Variants in VEGFA observed in about 807,000 individuals in gnomAD.
VEGFA encodes the protein vascular endothelial growth factor A, long form.
In VEGFA, 20 loss-of-function variants were observed where a neutral mutation model predicts 49.7. The observed-to-expected ratio is 0.40, with a 90% CI of 0.28 to 0.58. The LOEUF (loss-of-function observed/expected upper bound fraction) is 0.58. Among genes scored for constraint, VEGFA ranks in the 20% least tolerant of loss-of-function variants. VEGFA has a pLI of 0.40. For synonymous variants in VEGFA, 219 were observed against 223.4 expected, an observed-to-expected ratio of 0.98 and a Z score of 0.18; for missense variants, 505 against 553.5, an observed-to-expected ratio of 0.91 and a Z score of 0.88.
chr6:43,771,271 C>T lies in VEGFA; in HGVS notation c.565C>T (p.His189Tyr), dbSNP rs2127997328. The change falls in exon 1 of 8, where the codon CAT becomes TAT. Residue 189 changes from histidine (H) to tyrosine (Y), a missense_variant. This residue lies in a region of VEGFA where 340 missense variants were observed against 321.8 expected (regional missense o/e 1.06). Coordinates refer to ENST00000672860, the MANE Select transcript of VEGFA (RefSeq NM_003376.6). ...CATGAACTTTCTGCTGTCTTGGGTG[C>T]ATTGGAGCCTTGCCTTGCTGCTCTA... 6.2e-7 allele frequency: 1 copy of T among 1,607,442 alleles called. No homozygotes were observed.
rs1348253363 is a variant in VEGFA at position 43,771,122 on chromosome 6, T to C, written c.416T>C (p.Leu139Pro). 3.4e-6 allele frequency: 5 copies of C among 1,458,656 alleles called. No homozygotes were observed. The highest frequency in any genetic ancestry group is 4.5e-6 in the Non-Finnish European group (5 of 1,108,466). 90.4% of individuals were successfully genotyped at this position (1,458,656 alleles called of 1,614,324 possible). A position where few individuals can be genotyped will look rare whatever the true frequency, so the allele number is the denominator to read the frequency against. The stretch of plus-strand genomic sequence containing the variant: ...CCAGCCGCGCGCGCTCCCCAGGCCC[T>C]GGCCCGGGCCTCGGGCCGGGGAGGA... Residue 139 changes from leucine (L) to proline (P), a missense_variant, in exon 1 of 8, where the codon CTG becomes CCG. Physicochemically the swap from Leu to Pro is moderately conservative, Grantham distance 98. Coordinates refer to ENST00000672860, the MANE Select transcript of VEGFA (RefSeq NM_003376.6).
intron 1 of VEGFA, 26 bp downstream of exon 1, chr6:43,771,338 C>A (rs775515861): frequency 6.3e-7 from 1 of 1,587,810 alleles, no homozygotes; most frequent in South Asian, 1.1e-5. Flanking sequence ...CTGCTGGCGC[C>A]GCGGGCCGCT....
Position 43,777,440 on chromosome 6 carries a change from G to A in VEGFA, c.659-29G>A, listed in dbSNP as rs951984458. 5 of 1,612,836 alleles carry A rather than the reference G, an allele frequency of 3.1e-6. No homozygotes were observed. Among genetic ancestry groups the A allele is most frequent in the East Asian group, 2.2e-5 (1 of 44,882 alleles). Reference sequence around the variant, plus strand: ...CTAGCCATCTTTTGTGTCGCCCACCGGGCTCATGTGTCATCGCCTCTCATG... The same window carrying A: ...CTAGCCATCTTTTGTGTCGCCCACCAGGCTCATGTGTCATCGCCTCTCATG... On this transcript the variant is annotated intron_variant, in intron 2 of 7. Transcript: ENST00000672860. The surrounding 1 kb of genome is among the most constrained non-coding windows in gnomAD (Gnocchi z 4.3).
Position 43,778,874 on chromosome 6 carries a change from C to G in VEGFA, c.933-15C>G. 6.2e-7 allele frequency: 1 copy of G among 1,614,228 alleles called. No individual in the cohort carries two copies. Among genetic ancestry groups the G allele is most frequent in the East Asian group, 2.2e-5 (1 of 44,888 alleles). ...TTCCCTGTTTTGCTCTTTTCTCTCT[C>G]CCTACCCATTGCAGACCAAAGAAAG... On this transcript the variant is annotated splice_polypyrimidine_tract_variant and intron_variant, in intron 4 of 7. Coordinates refer to ENST00000672860, the MANE Select transcript of VEGFA (RefSeq NM_003376.6).
chr6:43,780,498 C>T (rs1214723557), intron 5 of VEGFA: 5 of 581,860 alleles, frequency 8.6e-6, no homozygotes, highest in Non-Finnish European at 1.5e-5. Flanking sequence ...GTTTGCCATC[C>T]CATGGTGGGC....
At position 43,777,426 on chromosome 6, in the gene VEGFA, T is replaced by C. The variant is rs1310737331; in HGVS notation, c.659-43T>C. On this transcript the variant is annotated intron_variant, in intron 2 of 7. Transcript: ENST00000672860. The surrounding 1 kb of genome is among the most constrained non-coding windows in gnomAD (Gnocchi z 4.3). ...GGTGGAGAGAGGGGCTAGCCATCTT[T>C]TGTGTCGCCCACCGGGCTCATGTGT... The C allele has an allele frequency of 1.2e-6, 2 of 1,608,688 alleles. No individual in the cohort carries two copies. Among genetic ancestry groups the C allele is most frequent in the Non-Finnish European group, 1.7e-6 (2 of 1,176,906 alleles).
At position 43,784,620 on chromosome 6, in the gene VEGFA, A is replaced by T. The variant is rs750489567; in HGVS notation, c.*58A>T. ...TTCGGGAACCAGATCTCTCACCAGGAAAGACTGATACAGAACGATCGATAC... is the reference window on the plus strand; with the variant it reads ...TTCGGGAACCAGATCTCTCACCAGGTAAGACTGATACAGAACGATCGATAC... On this transcript the variant is annotated 3_prime_UTR_variant, in exon 8 of 8. Coordinates refer to ENST00000672860, the MANE Select transcript of VEGFA (RefSeq NM_003376.6). 6.2e-6 allele frequency: 10 copies of T among 1,614,176 alleles called. No individual in the cohort carries two copies. In the Admixed American group the frequency reaches 1.7e-4, roughly 27 times the overall value.
intron 7 of VEGFA, chr6:43,784,007 G>A (rs757062786): frequency 2.8e-4 from 53 of 187,770 alleles, no homozygotes; most frequent in Non-Finnish European, 4.9e-4. Flanking sequence ...CCCCTCGGGA[G>A]CCTCCTGTCC....
At position 43,782,197 on chromosome 6, in the gene VEGFA, G is replaced by C. The variant is rs1768058912; in HGVS notation, c.1166+110G>C. 15 of 1,484,186 alleles carry C rather than the reference G, an allele frequency of 1.0e-5. No homozygotes were observed. The Admixed American group carries it at 2.4e-4, about 24-fold the overall frequency. The allele number at this position is 1,484,186 out of a possible 1,614,324, so 91.9% of individuals were successfully genotyped here. On this transcript the variant is annotated intron_variant, in intron 7 of 7. Coordinates refer to ENST00000672860, the MANE Select transcript of VEGFA (RefSeq NM_003376.6). Reference sequence around the variant, plus strand: ...GCGAGCGGGAGAGCGCCTGAGAGGGGCCAGCTGCTTGCTCAGTTTCTAGCT... The same window carrying C: ...GCGAGCGGGAGAGCGCCTGAGAGGGCCCAGCTGCTTGCTCAGTTTCTAGCT...
Position 43,771,027 on chromosome 6 carries a change from G to T in VEGFA, c.321G>T (p.Pro107=). Reference sequence around the variant, plus strand: ...AAGAGAAGGAAGAGGAGAGGGGGCCGCAGTGGCGACTCGGCGCTCGGAAGC... The same window carrying T: ...AAGAGAAGGAAGAGGAGAGGGGGCCTCAGTGGCGACTCGGCGCTCGGAAGC... The change falls in exon 1 of 8, where the codon CCG becomes CCT. Residue 107 remains proline, a synonymous_variant. Coordinates refer to ENST00000672860, the MANE Select transcript of VEGFA (RefSeq NM_003376.6). 6.5e-7 allele frequency: 1 copy of T among 1,528,274 alleles called. No individual in the cohort carries two copies. 94.7% of individuals were successfully genotyped at this position (1,528,274 alleles called of 1,614,324 possible).
chr6:43,778,248 G>A, intron 3 of VEGFA: 1 of 624,942 alleles, frequency 1.6e-6, no homozygotes. Flanking sequence ...GGCCTCAAGT[G>A]GAACAAGGGC....
chr6:43,779,826 GTGTTC>G, intron 5 of VEGFA: 1 of 425,216 alleles, frequency 2.4e-6, no homozygotes, highest in Non-Finnish European at 4.8e-6. Context: ...ATCCTGAGGT[GTGTTC>G]TCTTGGGCTT....
rs377581354 is a variant in VEGFA at position 43,780,849 on chromosome 6, C to G, written c.1034+46C>G. On this transcript the variant is annotated intron_variant, in intron 6 of 7. Coordinates refer to ENST00000672860, the MANE Select transcript of VEGFA (RefSeq NM_003376.6). ...GTCTAATGCCCTGGAGCCTCCCTGGCCCCCAGTACAACCTCCGCCTGCCAT... is the reference window on the plus strand; with the variant it reads ...GTCTAATGCCCTGGAGCCTCCCTGGGCCCCAGTACAACCTCCGCCTGCCAT... 48 of 1,613,406 alleles carry G rather than the reference C, an allele frequency of 3.0e-5. No individual in the cohort carries two copies. In the Middle Eastern group the frequency reaches 1.1e-3, roughly 35 times the overall value.
In VEGFA at chr6:43,784,817, G is replaced by T. The variant is rs1769184497; in HGVS notation, c.*255G>T. 3.1e-6 allele frequency: 2 copies of T among 640,958 alleles called. No homozygotes were observed. Among genetic ancestry groups the T allele is most frequent in the Non-Finnish European group, 5.6e-6 (2 of 356,770 alleles). The allele number at this position is 640,958 out of a possible 1,614,324, so 39.7% of individuals were successfully genotyped here. A position where few individuals can be genotyped will look rare whatever the true frequency, so the allele number is the denominator to read the frequency against. ...CCCAGCACGGTCCCTCTTGGAATTG[G>T]ATTCGCCATTTTATTTTTCTTGCTG... On this transcript the variant is annotated 3_prime_UTR_variant, in exon 8 of 8. Coordinates refer to ENST00000672860, the MANE Select transcript of VEGFA (RefSeq NM_003376.6).
chr6:43,786,443 A>G lies in VEGFA; in HGVS notation c.*1881A>G. ...CAAAGAAATACAGATATATCTTAAA[A>G]AAAAAAAAGCATTTTGTATTAAAGA... is the stretch of plus-strand genomic sequence containing the variant. On this transcript the variant is annotated 3_prime_UTR_variant, in exon 8 of 8. Coordinates refer to ENST00000672860, the MANE Select transcript of VEGFA (RefSeq NM_003376.6). The G allele has an allele frequency of 5.9e-6, 1 of 169,826 alleles. No homozygotes were observed. Among genetic ancestry groups the G allele is most frequent in the Non-Finnish European group, 1.3e-5 (1 of 77,930 alleles). 10.5% of individuals were successfully genotyped at this position (169,826 alleles called of 1,614,324 possible). A position where few individuals can be genotyped will look rare whatever the true frequency, so the allele number is the denominator to read the frequency against.
chr6:43,775,077 A>G (rs1764929208), intron 2 of VEGFA: 1 of 153,680 alleles, frequency 6.5e-6, no homozygotes, highest in Non-Finnish European at 1.4e-5. Flanking sequence ...TGTGCTCTCC[A>G]CCTCTGGGGA....
chr6:43,775,248 C>CG (rs1390855513), intron 2 of VEGFA: 2 of 152,432 alleles, frequency 1.3e-5, no homozygotes, highest in Non-Finnish European at 2.9e-5. Context: ...AGCCACTGAC[C>CG]GGCCCCCTGC....
At chr6:43,780,370 C>CCTT in intron 5 of VEGFA, 1 of 373,688 alleles carries the variant, frequency 2.7e-6, no homozygotes, top group Non-Finnish European at 5.2e-6. Flanking sequence ...GGGCAAAGAG[C>CCTT]CTTCCCTCAG....
intron 1 of VEGFA, chr6:43,774,039 A>C: frequency 4.1e-6 from 2 of 493,562 alleles, no homozygotes; most frequent in Non-Finnish European, 3.7e-6. Flanking sequence ...AGTGTGGGGA[A>C]GGTACAGGGG....
Sources: allele counts gnomAD v4.1 joint callset, GRCh38; gene constraint gnomAD v4.1.1; regional missense constraint gnomAD v4.1.1; non-coding constraint Gnocchi (gnomAD v3.1); transcripts MANE v1.5; gene names NCBI Gene and HGNC (gene_info 2026-07-23, HGNC 2026-07-21).